Variants in SLC9A9 observed in about 807,000 individuals in gnomAD.
The protein encoded by SLC9A9 is solute carrier family 9 member A9, also known as sodium/hydrogen exchanger 9.
SLC9A9 carries 62 observed loss-of-function variants against 77.8 expected under a neutral mutation model. The ratio of observed to expected loss-of-function variants is 0.80; its 90% CI spans 0.65 to 0.98. SLC9A9 has a LOEUF of 0.98. Among genes scored for constraint, SLC9A9 ranks in the 50% least tolerant of loss-of-function variants. The probability of loss-of-function intolerance (pLI) is 0.00; values close to 1 mark genes in which losing one functional copy is unlikely to be tolerated. For synonymous variants in SLC9A9, 320 were observed against 283.5 expected, an observed-to-expected ratio of 1.13 and a Z score of -1.29; for missense variants, 775 against 774.9, an observed-to-expected ratio of 1.00 and a Z score of 0.00.
intron 12 of SLC9A9, among the ~76,000 whole-genome samples, chr3:143,405,576 G>C (rs912996909): frequency 6.6e-6 from 1 of 152,188 alleles, no homozygotes; most frequent in Non-Finnish European, 1.5e-5. Context: ...TCAGCCTGCT[G>C]CATGTGGGAT....
intron 6 of SLC9A9, among the ~76,000 whole-genome samples, chr3:143,626,506 T>G (rs2038329135): frequency 6.6e-6 from 1 of 151,822 alleles, no homozygotes; most frequent in Non-Finnish European, 1.5e-5. Flanking sequence ...CTCAGCAAAC[T>G]ATCGCAAGGA....
chr3:143,349,295 T>A (rs921195075), intron 14 of SLC9A9, among the ~76,000 whole-genome samples: 1 of 152,178 alleles, frequency 6.6e-6, no homozygotes, highest in African/African-American at 2.4e-5. Context: ...ATAATCTTTT[T>A]GCTCCTAAAG....
At chr3:143,707,728 G>A (rs912954111) in intron 4 of SLC9A9, among the ~76,000 whole-genome samples, 3 of 152,184 alleles carry the variant, frequency 2.0e-5, no homozygotes, top group African/African-American at 7.2e-5. Flanking sequence ...CTGCAAGCCA[G>A]TTCAACAGCT....
At chr3:143,835,993 G>A (rs4499593) in intron 1 of SLC9A9, among the ~76,000 whole-genome samples, 2,088 of 152,282 alleles carry the variant, frequency 0.014, 44 homozygotes, top group African/African-American at 0.045. Flanking sequence ...AAGTCTGGGC[G>A]TCTGGGTACC....
intron 2 of SLC9A9, among the ~76,000 whole-genome samples, chr3:143,816,434 A>G (rs1176960953): frequency 6.6e-6 from 1 of 152,190 alleles, no homozygotes; most frequent in East Asian, 1.9e-4. Context: ...TTTTACGTTT[A>G]TTGAATATAA....
chr3:143,415,270 A>C (rs1245272534), intron 12 of SLC9A9, among the ~76,000 whole-genome samples: 1 of 152,254 alleles, frequency 6.6e-6, no homozygotes, highest in Non-Finnish European at 1.5e-5. Flanking sequence ...AGGTGGCTAC[A>C]CTAAATAACA....
At chr3:143,524,149 A>G (rs1299838457) in intron 9 of SLC9A9, among the ~76,000 whole-genome samples, 1 of 150,038 alleles carries the variant, frequency 6.7e-6, no homozygotes, top group Non-Finnish European at 1.5e-5. Context: ...TGCTCCTATT[A>G]TCTACAATGA....
chr3:143,381,932 T>C (rs1377945177), intron 13 of SLC9A9, 128 bp downstream of exon 13: 2 of 1,055,890 alleles, frequency 1.9e-6, no homozygotes, highest in African/African-American at 3.1e-5. Flanking sequence ...GTAATCTCAT[T>C]TGTTTTATCA....
chr3:143,280,041 G>A (rs531982566), intron 14 of SLC9A9, among the ~76,000 whole-genome samples: 62 of 152,008 alleles, frequency 4.1e-4, no homozygotes, highest in Non-Finnish European at 7.4e-4. Context: ...GGCTGGTCTC[G>A]AACTCCTGTG....
chr3:143,600,658 A>C (rs1241809388), intron 6 of SLC9A9, among the ~76,000 whole-genome samples: 1 of 152,212 alleles, frequency 6.6e-6, no homozygotes, highest in African/African-American at 2.4e-5. Context: ...AGAGAGGTTG[A>C]TCAGCATGAA....
At chr3:143,798,161 C>T (rs200576514) in intron 2 of SLC9A9, among the ~76,000 whole-genome samples, 97 of 152,298 alleles carry the variant, frequency 6.4e-4, no homozygotes, top group South Asian at 1.0e-3. Context: ...TCAATCTTGG[C>T]GCCACACTTC....
intron 8 of SLC9A9, among the ~76,000 whole-genome samples, chr3:143,563,026 A>G (rs1476369262): frequency 6.6e-6 from 1 of 152,126 alleles, no homozygotes; most frequent in African/African-American, 2.4e-5. Flanking sequence ...GGTGGGTAAG[A>G]GCCCAAAGGA....
At chr3:143,661,021 A>C (rs1038848437) in intron 5 of SLC9A9, among the ~76,000 whole-genome samples, 3 of 152,182 alleles carry the variant, frequency 2.0e-5, no homozygotes, top group African/African-American at 7.2e-5. Context: ...ACCATTTTAT[A>C]GCTCATCAAA....
rs181473303 is a variant in SLC9A9 at position 143,595,820 on chromosome 3, G to A, written c.756-17097C>T. On this transcript the variant is annotated intron_variant, in intron 6 of 15. Coordinates refer to ENST00000316549, the MANE Select transcript of SLC9A9 (RefSeq NM_173653.4). ...TTAATCCCCGATCTGGCACTGTTGGGTGTACAGTTGCTTGGTTAGTTTAAA... is the reference window on the plus strand; with the variant it reads ...TTAATCCCCGATCTGGCACTGTTGGATGTACAGTTGCTTGGTTAGTTTAAA... Among the ~76,000 whole-genome samples the A allele has an allele frequency of 9.5e-4, 145 of 152,326 alleles. 1 individual carries two copies. The highest frequency in any genetic ancestry group is 1.9e-3 in the East Asian group (10 of 5,190).
At chr3:143,625,785 A>T (rs1222931738) in intron 6 of SLC9A9, among the ~76,000 whole-genome samples, 1 of 152,222 alleles carries the variant, frequency 6.6e-6, no homozygotes, top group African/African-American at 2.4e-5. Context: ...TAAACTAAAG[A>T]GCTTCTGCAC....
intron 12 of SLC9A9, among the ~76,000 whole-genome samples, chr3:143,385,658 G>T (rs917033541): frequency 6.6e-6 from 1 of 152,152 alleles, no homozygotes; most frequent in African/African-American, 2.4e-5. Flanking sequence ...TCATTTATAC[G>T]TAATGAGTTT....
At position 143,652,245 on chromosome 3, in the gene SLC9A9, TG is replaced by T; in HGVS notation, c.755+9del. ...GATTAAAGAAACATAGGCCAAGTTCTGGTACTTACTATGTAAGGACTATGGC... is the reference window on the plus strand; with the variant it reads ...GATTAAAGAAACATAGGCCAAGTTCTGTACTTACTATGTAAGGACTATGGC... On this transcript the variant is annotated intron_variant, in intron 6 of 15. Coordinates refer to ENST00000316549, the MANE Select transcript of SLC9A9 (RefSeq NM_173653.4). The T allele has an allele frequency of 6.3e-7, 1 of 1,599,884 alleles. No individual in the cohort carries two copies. The highest frequency in any genetic ancestry group is 8.6e-7 in the Non-Finnish European group (1 of 1,168,498).
At chr3:143,693,461 A>G (rs1933539512) in intron 4 of SLC9A9, among the ~76,000 whole-genome samples, 154 bp from the exon 5 acceptor site, 2 of 152,182 alleles carry the variant, frequency 1.3e-5, no homozygotes, top group Non-Finnish European at 2.9e-5. Context: ...GTCTCTGTAC[A>G]CTGGAATCTC....
At chr3:143,328,993 C>T (rs1223318147) in intron 14 of SLC9A9, among the ~76,000 whole-genome samples, 2 of 152,194 alleles carry the variant, frequency 1.3e-5, no homozygotes, top group East Asian at 3.9e-4. Flanking sequence ...ACTGTGTGCC[C>T]TGAACTTTCC....
Sources: gnomAD v4.1 joint callset for allele counts (sites outside exome capture counted in the v4.1 genomes callset) on GRCh38, gnomAD v4.1.1 for gene constraint, MANE v1.5 for transcripts, NCBI Gene and HGNC (gene_info 2026-07-23, HGNC 2026-07-21) for gene names.